CAPN2: variants seen among roughly 807,000 people sequenced by gnomAD.
CAPN2 encodes calpain 2, also known as calpain-2 catalytic subunit.
In CAPN2, 92 loss-of-function variants were observed where a neutral mutation model predicts 102.3. The observed-to-expected ratio is 0.90, with a 90% CI of 0.76 to 1.07. CAPN2 has a LOEUF of 1.07. CAPN2 is among the 50% of genes least tolerant of loss of function. The pLI is 0.00. For synonymous variants in CAPN2, 340 were observed against 355.4 expected, an observed-to-expected ratio of 0.96 and a Z score of 0.49; for missense variants, 800 against 909.4, an observed-to-expected ratio of 0.88 and a Z score of 1.55.
Position 223,727,629 on chromosome 1 carries a change from A to G in CAPN2, c.307+9798A>G, listed in dbSNP as rs577327409. Among the ~76,000 whole-genome samples the G allele has an allele frequency of 1.3e-4, 20 of 152,342 alleles. No individual in the cohort carries two copies. Among genetic ancestry groups the G allele is most frequent in the African/African-American group, 4.8e-4 (20 of 41,566 alleles). ...ATCAGTAGGTGAGTTGCTGAAGACA[A>G]ACTAAATATTCTTTCCAGCATTGCT... is the stretch of plus-strand genomic sequence containing the variant. On this transcript the variant is annotated intron_variant, in intron 2 of 20. Coordinates refer to ENST00000295006, the MANE Select transcript of CAPN2 (RefSeq NM_001748.5). This position sits in a 1 kb window ranked among gnomAD's most constrained non-coding sequence, Gnocchi z 4.1.
intron 3 of CAPN2, 143 bp from the exon 4 acceptor site, chr1:223,745,163 G>A (rs1660722135): frequency 9.8e-7 from 1 of 1,018,496 alleles, no homozygotes; most frequent in African/African-American, 1.6e-5. Flanking sequence ...CTGCATAGGA[G>A]AGTTAAGGGA....
chr1:223,749,147 G>A (rs748864188), intron 6 of CAPN2, 25 bp downstream of exon 6: 27 of 1,599,770 alleles, frequency 1.7e-5, no homozygotes, highest in Admixed American at 1.7e-4. Flanking sequence ...GGATGTGCAG[G>A]GGTCCTGCTG....
At chr1:223,758,689 CTTTTTG>C (rs1661102526) in intron 11 of CAPN2, 1 of 146,728 alleles carries the variant, frequency 6.8e-6, no homozygotes, top group African/African-American at 2.7e-5. Flanking sequence ...AGAAAGTTTG[CTTTTTG>C]TTTTTTTTTT....
chr1:223,741,589 G>A (rs941652457), intron 2 of CAPN2, among the ~76,000 whole-genome samples: 1 of 151,534 alleles, frequency 6.6e-6, no homozygotes, highest in African/African-American at 2.4e-5. Context: ...CGAATAGCTG[G>A]GATTATAGGC....
At chr1:223,740,871 G>A (rs1660594137) in intron 2 of CAPN2, among the ~76,000 whole-genome samples, 1 of 152,150 alleles carries the variant, frequency 6.6e-6, no homozygotes, top group African/African-American at 2.4e-5. Context: ...ATTCAATTAG[G>A]TGAATTCGAA....
At position 223,754,801 on chromosome 1, in the gene CAPN2, G is replaced by A. The variant is rs917429836; in HGVS notation, c.1136-679G>A. Among the ~76,000 whole-genome samples the A allele has an allele frequency of 2.0e-5, 3 of 152,268 alleles. No individual in the cohort carries two copies. Among genetic ancestry groups the A allele is most frequent in the South Asian group, 2.1e-4 (1 of 4,826 alleles). On this transcript the variant is annotated intron_variant, in intron 9 of 20. Coordinates refer to ENST00000295006, the MANE Select transcript of CAPN2 (RefSeq NM_001748.5). This position sits in a 1 kb window ranked among gnomAD's most constrained non-coding sequence, Gnocchi z 4.7. ...TATACACAGGATGTTCTTGGCCTCC[G>A]GGCTCACCGAGGGGGCGGCGACCGG... is the stretch of plus-strand genomic sequence containing the variant.
chr1:223,764,389 C>T (rs754161562), intron 15 of CAPN2, among the ~76,000 whole-genome samples, 182 bp downstream of exon 15: 1 of 152,174 alleles, frequency 6.6e-6, no homozygotes, highest in Admixed American at 6.5e-5. Context: ...TTGTAGCATC[C>T]ACAGATCAAA....
At chr1:223,723,006 G>A (rs1464390136) in intron 2 of CAPN2, among the ~76,000 whole-genome samples, 1 of 152,170 alleles carries the variant, frequency 6.6e-6, no homozygotes, top group Non-Finnish European at 1.5e-5. Context: ...GATTTTGTAA[G>A]ATGCCTGTCT....
rs887954637 is a variant in CAPN2 at position 223,745,381 on chromosome 1, G to A, written c.502G>A (p.Val168Met). 6.2e-7 allele frequency: 1 copy of A among 1,614,212 alleles called. No individual in the cohort carries two copies. The highest frequency in any genetic ancestry group is 1.3e-5 in the African/African-American group (1 of 75,042). The change falls in exon 4 of 21, where the codon GTG becomes ATG. Residue 168 changes from valine (V) to methionine (M), a missense_variant. Coordinates refer to ENST00000295006, the MANE Select transcript of CAPN2 (RefSeq NM_001748.5). ...CACCAAGGACGGGGAGCTGCTCTTT[G>A]TGCATTCAGCCGAAGGGAGCGAGTT... ...LPTKDGELLF[V>M]HSAEGSEFWS...
intron 12 of CAPN2, among the ~76,000 whole-genome samples, chr1:223,761,282 T>C (rs1661178480): frequency 6.6e-6 from 1 of 152,252 alleles, no homozygotes; most frequent in Non-Finnish European, 1.5e-5. Context: ...GCTTTGGTCA[T>C]GACCCTTCCT....
chr1:223,707,238 C>CTCTCTG (rs10695043), intron 1 of CAPN2, among the ~76,000 whole-genome samples: 29,460 of 151,070 alleles, frequency 0.2, 3,193 homozygotes, highest in African/African-American at 0.29. Context: ...CTCTTATTTT[C>CTCTCTG]TCTCTCTCTC....
intron 15 of CAPN2, among the ~76,000 whole-genome samples, chr1:223,764,698 C>T (rs1190539601): frequency 6.6e-6 from 1 of 152,234 alleles, no homozygotes; most frequent in African/African-American, 2.4e-5. Flanking sequence ...AAGTGATCCA[C>T]CTGCCTTGGC....
intron 7 of CAPN2, among the ~76,000 whole-genome samples, chr1:223,751,280 A>G (rs907866714): frequency 8.5e-5 from 13 of 152,212 alleles, no homozygotes; most frequent in African/African-American, 3.1e-4. Context: ...GCTTTCAGGG[A>G]AAAAAATACA....
intron 1 of CAPN2, among the ~76,000 whole-genome samples, chr1:223,702,235 G>A (rs1659500777): frequency 6.6e-6 from 1 of 151,896 alleles, no homozygotes; most frequent in Non-Finnish European, 1.5e-5. Context: ...AGACCAGCCT[G>A]GCTAACATGG....
rs1247009348 is a variant in CAPN2 at position 223,726,043 on chromosome 1, A to G, written c.307+8212A>G. Among the ~76,000 whole-genome samples the G allele has an allele frequency of 6.6e-6, 1 of 152,080 alleles. No homozygotes were observed. The highest frequency in any genetic ancestry group is 6.6e-5 in the Admixed American group (1 of 15,266). Reference sequence around the variant, plus strand: ...CCGAGTGAGAAAGTTTCCCACGTTCATTCTTGTTGGGCCCATTCTCAGGAT... The same window carrying G: ...CCGAGTGAGAAAGTTTCCCACGTTCGTTCTTGTTGGGCCCATTCTCAGGAT... On this transcript the variant is annotated intron_variant, in intron 2 of 20. Coordinates refer to ENST00000295006, the MANE Select transcript of CAPN2 (RefSeq NM_001748.5). This position sits in a 1 kb window ranked among gnomAD's most constrained non-coding sequence, Gnocchi z 4.4.
chr1:223,759,839 C>T lies in CAPN2; in HGVS notation c.1529+358C>T, dbSNP rs956872246. 6.6e-6 allele frequency among the ~76,000 whole-genome samples: 1 copy of T among 152,116 alleles called. No homozygotes were observed. Among genetic ancestry groups the T allele is most frequent in the Non-Finnish European group, 1.5e-5 (1 of 67,994 alleles). ...AAAGCTGAGCAGTGCTGGTGTAATCCTTGATTTTCCAGGCCACCTGGCCTA... is the reference window on the plus strand; with the variant it reads ...AAAGCTGAGCAGTGCTGGTGTAATCTTTGATTTTCCAGGCCACCTGGCCTA... On this transcript the variant is annotated intron_variant, in intron 12 of 20. Coordinates refer to ENST00000295006, the MANE Select transcript of CAPN2 (RefSeq NM_001748.5). The surrounding 1 kb of genome is among the most constrained non-coding windows in gnomAD (Gnocchi z 4.6).
Position 223,759,244 on chromosome 1 carries a change from C to T in CAPN2, c.1318-26C>T, listed in dbSNP as rs374027760. 1.3e-6 allele frequency: 2 copies of T among 1,597,914 alleles called. No homozygotes were observed. Among genetic ancestry groups the T allele is most frequent in the African/African-American group, 2.7e-5 (2 of 74,598 alleles). On this transcript the variant is annotated intron_variant, in intron 11 of 20. Transcript: ENST00000295006. This position sits in a 1 kb window ranked among gnomAD's most constrained non-coding sequence, Gnocchi z 4.6. ...GCCTGGAGGCTTCCCCTCATCTACC[C>T]CCATGTTTCTCTATTTATTCCTCAG...
chr1:223,721,692 G>C (rs12128409), intron 2 of CAPN2, among the ~76,000 whole-genome samples: 8,550 of 152,334 alleles, frequency 0.056, 292 homozygotes, highest in South Asian at 0.074. Flanking sequence ...TAGCTCAGCA[G>C]AGAGTGGGGA....
chr1:223,733,946 G>T (rs752790176), intron 2 of CAPN2, among the ~76,000 whole-genome samples: 2 of 152,230 alleles, frequency 1.3e-5, no homozygotes, highest in Non-Finnish European at 2.9e-5. Flanking sequence ...GCCCAGGGGT[G>T]CAGGGAGAGA....
Sources: gnomAD v4.1 joint callset for allele counts (sites outside exome capture counted in the v4.1 genomes callset) on GRCh38, gnomAD v4.1.1 for gene constraint, Gnocchi (gnomAD v3.1) non-coding constraint, MANE v1.5 for transcripts, NCBI Gene and HGNC (gene_info 2026-07-23, HGNC 2026-07-21) for gene names.